Variants in DIAPH3 observed in about 807,000 individuals in gnomAD.
DIAPH3 encodes diaphanous related formin 3, also known as protein diaphanous homolog 3.
In DIAPH3, 117 loss-of-function variants were observed where a neutral mutation model predicts 144.3. The observed-to-expected ratio is 0.81, with a 90% CI of 0.70 to 0.95. DIAPH3 has a LOEUF of 0.95. Among genes scored for constraint, DIAPH3 ranks in the 40% least tolerant of loss-of-function variants. The pLI, the probability that DIAPH3 is intolerant of heterozygous loss-of-function variation, is 0.00. For missense variants in DIAPH3, 1,421 were observed against 1,412.7 expected (o/e 1.01, Z -0.09); for synonymous variants, 519 against 488.9 (o/e 1.06, Z -0.81).
chr13:59,898,088 T>C (rs1394016591), intron 20 of DIAPH3, among the ~76,000 whole-genome samples: 2 of 127,026 alleles, frequency 1.6e-5, no homozygotes, highest in African/African-American at 3.1e-5. Flanking sequence ...TGAGCTGAGA[T>C]TGCACCACTG....
chr13:59,750,568 C>G (rs1260498309), intron 27 of DIAPH3, among the ~76,000 whole-genome samples: 2 of 152,128 alleles, frequency 1.3e-5, no homozygotes, highest in South Asian at 4.2e-4. Flanking sequence ...TTTTCAGCTT[C>G]AAGTCACTTT....
chr13:60,101,177 C>T (rs1252464956), intron 3 of DIAPH3, among the ~76,000 whole-genome samples: 1 of 152,154 alleles, frequency 6.6e-6, no homozygotes, highest in Non-Finnish European at 1.5e-5. Flanking sequence ...GAGGTATGTC[C>T]TCTTTATTGA....
Position 60,143,914 on chromosome 13 carries a change from A to G in DIAPH3, c.181-10925T>C, listed in dbSNP as rs188528194. Among the ~76,000 whole-genome samples the G allele has an allele frequency of 1.2e-4, 19 of 152,316 alleles. No homozygotes were observed. In the East Asian group the frequency reaches 3.5e-3, roughly 28 times the overall value. On this transcript the variant is annotated intron_variant, in intron 1 of 27. Coordinates refer to ENST00000400324, the MANE Select transcript of DIAPH3 (RefSeq NM_001042517.2). Reference sequence around the variant, plus strand: ...GACGAATCAGATGTGAGGTAAACAGATTAAGTAGGTACTGCAGATAAAAAT... The same window carrying G: ...GACGAATCAGATGTGAGGTAAACAGGTTAAGTAGGTACTGCAGATAAAAAT...
At chr13:59,766,985 T>G (rs1237099375) in intron 27 of DIAPH3, among the ~76,000 whole-genome samples, 1 of 152,172 alleles carries the variant, frequency 6.6e-6, no homozygotes, top group Non-Finnish European at 1.5e-5. Flanking sequence ...TTGGTGACTA[T>G]TCTTTCCCAA....
rs779424865 is a variant in DIAPH3 at position 59,970,845 on chromosome 13, C to T, written c.1959+7G>A. On this transcript the variant is annotated splice_region_variant and intron_variant, in intron 16 of 27. Transcript: ENST00000400324. ...TAAAAGTATTTTCCTCTATTAATTTCTTTTACCTTTAACCAATTCAATCTT... is the reference window on the plus strand; with the variant it reads ...TAAAAGTATTTTCCTCTATTAATTTTTTTTACCTTTAACCAATTCAATCTT... The T allele has an allele frequency of 1.9e-6, 3 of 1,608,814 alleles. No individual in the cohort carries two copies. Among genetic ancestry groups the T allele is most frequent in the Non-Finnish European group, 2.5e-6 (3 of 1,177,374 alleles).
chr13:59,922,107 A>T (rs746692324), intron 18 of DIAPH3, among the ~76,000 whole-genome samples: 21 of 152,090 alleles, frequency 1.4e-4, no homozygotes, highest in Non-Finnish European at 2.6e-4. Flanking sequence ...TCATCATAAC[A>T]AACAGAAAAG....
At chr13:60,083,594 G>A (rs1374995224) in intron 4 of DIAPH3, among the ~76,000 whole-genome samples, 1 of 151,868 alleles carries the variant, frequency 6.6e-6, no homozygotes, top group Non-Finnish European at 1.5e-5. Flanking sequence ...AGAATGTCCT[G>A]GATAAAATAA....
At chr13:59,956,196 G>A (rs1356489664) in intron 17 of DIAPH3, among the ~76,000 whole-genome samples, 1 of 152,220 alleles carries the variant, frequency 6.6e-6, no homozygotes, top group African/African-American at 2.4e-5. Flanking sequence ...GTAATGAGGA[G>A]CCAAATGTTA....
intron 17 of DIAPH3, among the ~76,000 whole-genome samples, chr13:59,938,439 T>C (rs527301857): frequency 6.6e-6 from 1 of 152,044 alleles, no homozygotes; most frequent in East Asian, 1.9e-4. Context: ...TGAGTACTCA[T>C]CTCCACAAAA....
At chr13:60,134,205 C>T (rs1250212302) in intron 1 of DIAPH3, among the ~76,000 whole-genome samples, 1 of 152,192 alleles carries the variant, frequency 6.6e-6, no homozygotes, top group Non-Finnish European at 1.5e-5. Flanking sequence ...CCATTAGCCA[C>T]ACCACTAGGC....
At chr13:59,828,043 A>G (rs2041550807) in intron 24 of DIAPH3, among the ~76,000 whole-genome samples, 1 of 152,052 alleles carries the variant, frequency 6.6e-6, no homozygotes, top group African/African-American at 2.4e-5. Flanking sequence ...AATGCTATAC[A>G]ACACTACATG....
chr13:59,994,571 AAT>A (rs1054893254), intron 9 of DIAPH3, among the ~76,000 whole-genome samples: 1 of 151,934 alleles, frequency 6.6e-6, no homozygotes, highest in Non-Finnish European at 1.5e-5. Flanking sequence ...TACTGTAAGA[AAT>A]ATGTTTGGTA....
At chr13:59,739,109 C>T (rs1401695096) in intron 27 of DIAPH3, among the ~76,000 whole-genome samples, 1 of 152,116 alleles carries the variant, frequency 6.6e-6, no homozygotes, top group Non-Finnish European at 1.5e-5. Flanking sequence ...ATCCCTCGTG[C>T]TTAGGTCCAA....
At chr13:59,674,899 G>C (rs1382799551) in intron 27 of DIAPH3, among the ~76,000 whole-genome samples, 1 of 152,206 alleles carries the variant, frequency 6.6e-6, no homozygotes, top group Non-Finnish European at 1.5e-5. Flanking sequence ...TTTCTAAAGT[G>C]TGTAATGGCT....
intron 1 of DIAPH3, among the ~76,000 whole-genome samples, chr13:60,135,238 G>A (rs1313990471): frequency 7.1e-6 from 1 of 141,558 alleles, no homozygotes; most frequent in Admixed American, 7.7e-5. Flanking sequence ...TCCATTTTTG[G>A]TCATGGTTTT....
chr13:59,991,052 A>G, intron 12 of DIAPH3, 106 bp downstream of exon 12: 1 of 704,452 alleles, frequency 1.4e-6, no homozygotes, highest in Non-Finnish European at 2.4e-6. Flanking sequence ...CAGTGTTATG[A>G]CAAAAATAAA....
chr13:59,780,065 TATGG>T (rs950118007), intron 25 of DIAPH3, among the ~76,000 whole-genome samples: 1 of 151,990 alleles, frequency 6.6e-6, no homozygotes, highest in African/African-American at 2.4e-5. Flanking sequence ...GACCCATGCA[TATGG>T]TACTGTGTGC....
rs201005441 is a variant in DIAPH3, at chr13:59,759,939, C to T, written c.3319+14250G>A. Among the ~76,000 whole-genome samples, 39 of 148,626 alleles carry T rather than the reference C, an allele frequency of 2.6e-4. No individual in the cohort carries two copies. In the East Asian group the frequency reaches 6.5e-3, roughly 25 times the overall value. On this transcript the variant is annotated intron_variant, in intron 27 of 27. Coordinates refer to ENST00000400324, the MANE Select transcript of DIAPH3 (RefSeq NM_001042517.2). ...CTCCAGTCTGGGAGACAGTGTGAGA[C>T]TCCATCTCAAAACAAACAAACAAAC...
At chr13:60,073,650 T>C (rs2057287909) in intron 4 of DIAPH3, among the ~76,000 whole-genome samples, 1 of 152,222 alleles carries the variant, frequency 6.6e-6, no homozygotes, top group Non-Finnish European at 1.5e-5. Flanking sequence ...TCCAGCATTG[T>C]AACACATAGG....
Sources: gnomAD v4.1 joint callset for allele counts (sites outside exome capture counted in the v4.1 genomes callset) on GRCh38, gnomAD v4.1.1 for gene constraint, MANE v1.5 for transcripts, NCBI Gene and HGNC (gene_info 2026-07-23, HGNC 2026-07-21) for gene names.